Variants in ITGAL observed in about 807,000 individuals in gnomAD.
ITGAL encodes the protein integrin alpha-L.
In ITGAL, 68 loss-of-function variants were observed where a neutral mutation model predicts 138.4. The ratio of observed to expected loss-of-function variants is 0.49; its 90% confidence interval spans 0.40 to 0.60. The LOEUF (loss-of-function observed/expected upper bound fraction) is 0.60. Ranked by LOEUF, ITGAL falls within the 20% of genes least tolerant of loss-of-function variation. The pLI, the probability that ITGAL is intolerant of heterozygous loss-of-function variation, is 0.00. For missense variants in ITGAL, 1,256 were observed against 1,478.6 expected, an observed-to-expected ratio of 0.85 and a Z score of 2.47; for synonymous variants, 561 against 584.3, an observed-to-expected ratio of 0.96 and a Z score of 0.57.
rs1158717503 is a variant in ITGAL at position 30,521,476 on chromosome 16, T to G, written c.3340-16T>G. ...TCAGTGAATTCTTTGCTCGTTCAAA[T>G]TTTGTCTTTGTACAGGTTGGTTTCT... is the stretch of plus-strand genomic sequence containing the variant. On this transcript the variant is annotated splice_polypyrimidine_tract_variant and intron_variant, in intron 30 of 30. Coordinates refer to ENST00000356798, the MANE Select transcript of ITGAL (RefSeq NM_002209.3). The G allele has an allele frequency of 6.2e-7, 1 of 1,602,752 alleles. No individual in the cohort carries two copies. The highest frequency in any genetic ancestry group is 8.5e-7 in the Non-Finnish European group (1 of 1,173,614).
At chr16:30,508,162 C>G (rs890314831) in intron 21 of ITGAL, among the ~76,000 whole-genome samples, 13 of 151,300 alleles carry the variant, frequency 8.6e-5, no homozygotes, top group Non-Finnish European at 1.6e-4. Flanking sequence ...CCCGCCTCAG[C>G]CTCCCACAGT....
chr16:30,506,359 C>G (rs953622589), intron 20 of ITGAL, among the ~76,000 whole-genome samples: 2 of 150,268 alleles, frequency 1.3e-5, no homozygotes, highest in Admixed American at 1.3e-4. Flanking sequence ...TGAGACCATC[C>G]TGGCTAACAC....
chr16:30,518,574 G>C (rs1320714050), intron 28 of ITGAL, 50 bp from the exon 29 acceptor site: 1 of 1,324,968 alleles, frequency 7.5e-7, no homozygotes, highest in Non-Finnish European at 1.1e-6. Flanking sequence ...AAAGCCAGTG[G>C]GTTCTGTCCT....
At chr16:30,506,646 G>T in intron 20 of ITGAL, 69 bp from the exon 21 acceptor site, 1 of 1,086,280 alleles carries the variant, frequency 9.2e-7, no homozygotes. Flanking sequence ...TGGCCCACCA[G>T]ATCCCTCAGT....
intron 20 of ITGAL, among the ~76,000 whole-genome samples, chr16:30,505,867 T>C (rs568875154): frequency 2.1e-4 from 32 of 152,148 alleles, no homozygotes; most frequent in African/African-American, 7.5e-4. Flanking sequence ...AGCAAGACTC[T>C]ATCTCTAAAA....
chr16:30,488,983 C>A (rs947670771), intron 9 of ITGAL, 99 bp from the exon 10 acceptor site: 196 of 1,016,998 alleles, frequency 1.9e-4, no homozygotes, highest in Non-Finnish European at 2.8e-4. Context: ...TCTACCTTAC[C>A]CAGAAGTAAA....
At chr16:30,499,035 G>T (rs1179453777) in intron 15 of ITGAL, 39 bp from the exon 16 acceptor site, 4 of 1,598,694 alleles carry the variant, frequency 2.5e-6, no homozygotes, top group Non-Finnish European at 3.4e-6. Flanking sequence ...ACGTGCAGTT[G>T]GGTTGGAGGG....
At chr16:30,493,285 A>ATTTTAT (rs2050751441) in intron 11 of ITGAL, among the ~76,000 whole-genome samples, 3 of 37,478 alleles carry the variant, frequency 8.0e-5, no homozygotes, top group South Asian at 1.8e-3. Flanking sequence ...TATTTTATTT[A>ATTTTAT]TTTATTTATT....
In ITGAL at chr16:30,483,827, G is replaced by T. The variant is rs774507635; in HGVS notation, c.723G>T (p.Ala241=). The T allele has an allele frequency of 6.2e-7, 1 of 1,613,064 alleles. No homozygotes were observed. ...TCATCTCCTCCTTTCCTGGACACAG[G>T]ACAGAGGTGTTCCGGGAGGAGCTGG... is the stretch of plus-strand genomic sequence containing the variant. ...TNTFGAINYV[A]TEVFREELGA... The change falls in exon 8 of 31, where the codon GCG becomes GCT. Residue 241 remains alanine, a splice_region_variant and synonymous_variant. Transcript: ENST00000356798.
chr16:30,497,784 T>C (rs2050824193), intron 15 of ITGAL, among the ~76,000 whole-genome samples: 2 of 142,036 alleles, frequency 1.4e-5, no homozygotes, highest in African/African-American at 5.1e-5. Context: ...AGCCCTTTTC[T>C]TTTTTTTTTT....
intron 29 of ITGAL, among the ~76,000 whole-genome samples, chr16:30,519,120 G>C (rs2051214367): frequency 6.6e-6 from 1 of 152,124 alleles, no homozygotes; most frequent in South Asian, 2.1e-4. Context: ...CTGTTCGGGA[G>C]GCTGAGGTGA....
chr16:30,493,367 C>G (rs565818279), intron 11 of ITGAL, among the ~76,000 whole-genome samples: 1 of 151,752 alleles, frequency 6.6e-6, no homozygotes, highest in East Asian at 2.0e-4. Context: ...TCAAGCTCCC[C>G]CTCCCAGGTT....
rs1209045805 is a variant in ITGAL, at chr16:30,517,855, TC to T, written c.3094del (p.Gln1032LysfsTer2). ...CPVVFRQEIL[V>X]QVIGTLELVG... Reference sequence around the variant, plus strand: ...GTTGTCTTCAGGCAGGAGATCCTCGTCCAAGTGATCGGGACTCTGGAGCTGG... The same window carrying T: ...GTTGTCTTCAGGCAGGAGATCCTCGTCAAGTGATCGGGACTCTGGAGCTGG... On this transcript the variant is annotated frameshift_variant, in exon 28 of 31. Coordinates refer to ENST00000356798, the MANE Select transcript of ITGAL (RefSeq NM_002209.3). LOFTEE classifies it high-confidence loss of function. The T allele has an allele frequency of 6.2e-7, 1 of 1,614,036 alleles. No individual in the cohort carries two copies. Among genetic ancestry groups the T allele is most frequent in the African/African-American group, 1.3e-5 (1 of 74,916 alleles).
intron 15 of ITGAL, 31 bp downstream of exon 15, chr16:30,496,597 G>T: frequency 6.3e-7 from 1 of 1,590,092 alleles, no homozygotes; most frequent in South Asian, 1.1e-5. Context: ...CACACCTGAT[G>T]ACCCCAGCTC....
At chr16:30,516,763 C>T (rs1462089009) in intron 25 of ITGAL, among the ~76,000 whole-genome samples, 2 of 152,044 alleles carry the variant, frequency 1.3e-5, no homozygotes, top group East Asian at 1.9e-4. Flanking sequence ...GTGTGCTGGG[C>T]GGAGAAAGCT....
chr16:30,476,629 ACTG>A (rs1433226625), intron 4 of ITGAL, among the ~76,000 whole-genome samples: 1 of 148,478 alleles, frequency 6.7e-6, no homozygotes, highest in African/African-American at 2.5e-5. Context: ...TTTAGGAAAC[ACTG>A]CTTTTTTTTT....
chr16:30,482,915 C>G (rs1161007604), intron 7 of ITGAL, among the ~76,000 whole-genome samples: 1 of 152,068 alleles, frequency 6.6e-6, no homozygotes, highest in Non-Finnish European at 1.5e-5. Flanking sequence ...CAGCCTCAAA[C>G]TCCTGGGCTC....
At position 30,488,618 on chromosome 16, in the gene ITGAL, G is replaced by A. The variant is rs563392399; in HGVS notation, c.1007-464G>A. On this transcript the variant is annotated intron_variant, in intron 9 of 30. Coordinates refer to ENST00000356798, the MANE Select transcript of ITGAL (RefSeq NM_002209.3). ...CTCGGGAGGCTGAGGCAGGAGAATC[G>A]CTTGAACCCAGGAGGCAGAGGCTGT... Among the ~76,000 whole-genome samples the A allele has an allele frequency of 6.2e-5, 9 of 146,210 alleles. No homozygotes were observed. The South Asian group carries it at 2.0e-3, about 32-fold the overall frequency.
intron 1 of ITGAL, among the ~76,000 whole-genome samples, chr16:30,473,263 TCTA>T (rs1162444841): frequency 2.0e-5 from 3 of 152,098 alleles, no homozygotes; most frequent in African/African-American, 7.2e-5. Flanking sequence ...AAACCTCGTC[TCTA>T]CTAAAAATAC....
Sources: gnomAD v4.1 joint callset for allele counts (sites outside exome capture counted in the v4.1 genomes callset) on GRCh38, gnomAD v4.1.1 for gene constraint, MANE v1.5 for transcripts, NCBI Gene and HGNC (gene_info 2026-07-23, HGNC 2026-07-21) for gene names.